Variants in NBEA observed in about 807,000 individuals in gnomAD.
The protein encoded by NBEA is neurobeachin.
A neutral mutation model predicts 343.4 loss-of-function variants in NBEA; 44 were observed. That is an observed-to-expected ratio of 0.13 (90% confidence interval 0.10 to 0.16). The LOEUF is 0.16. Ranked by LOEUF, NBEA falls within the 10% of genes least tolerant of loss-of-function variation. The pLI, the probability that NBEA is intolerant of heterozygous loss-of-function variation, is 1.00. For synonymous variants in NBEA, 1,175 were observed against 1,238.7 expected (o/e 0.95, Z 1.08); for missense variants, 2,555 against 3,631.3 (o/e 0.70, Z 7.62).
intron 48 of NBEA, among the ~76,000 whole-genome samples, chr13:35,624,886 A>T (rs1328007520): frequency 6.6e-6 from 1 of 152,156 alleles, no homozygotes; most frequent in African/African-American, 2.4e-5. Context: ...TATGTAGATT[A>T]TGATATTATC....
chr13:35,057,471 A>G (rs2063314060), intron 7 of NBEA, among the ~76,000 whole-genome samples: 1 of 152,162 alleles, frequency 6.6e-6, no homozygotes, highest in Non-Finnish European at 1.5e-5. Flanking sequence ...ACAAAATCAA[A>G]GAAGAATGGG....
chr13:35,297,041 G>A (rs552052448), intron 35 of NBEA, among the ~76,000 whole-genome samples: 14 of 151,770 alleles, frequency 9.2e-5, no homozygotes, highest in Non-Finnish European at 1.8e-4. Flanking sequence ...TATAACTGTA[G>A]TAGAGTATAA....
chr13:35,432,456 G>T, intron 39 of NBEA, 63 bp downstream of exon 39: 1 of 1,413,870 alleles, frequency 7.1e-7, no homozygotes, highest in South Asian at 1.6e-5. Context: ...TTGTGTTTGA[G>T]AATTCCTTCT....
At chr13:35,606,639 TG>T in intron 48 of NBEA, 61 bp downstream of exon 48, 1 of 1,381,572 alleles carries the variant, frequency 7.2e-7, no homozygotes, top group South Asian at 1.8e-5. Context: ...TCTGTAGTTT[TG>T]TTTTGTCCTG....
chr13:35,548,952 G>C (rs532047296), intron 41 of NBEA, among the ~76,000 whole-genome samples: 2 of 152,274 alleles, frequency 1.3e-5, no homozygotes, highest in African/African-American at 4.8e-5. Flanking sequence ...CCAGGGTCAT[G>C]TACTTTATGT....
In NBEA at chr13:35,644,923, A is replaced by G. The variant is rs147015364; in HGVS notation, c.7618-946A>G. Among the ~76,000 whole-genome samples, 702 of 152,356 alleles carry G rather than the reference A, an allele frequency of 4.6e-3. 4 individuals carry two copies. Among genetic ancestry groups the G allele is most frequent in the African/African-American group, 0.016 (676 of 41,588 alleles). ...TATACATAAAAATTGGACAGCACTT[A>G]AAGAGATTTAATAATTCATCCCATT... On this transcript the variant is annotated intron_variant, in intron 49 of 58. Coordinates refer to ENST00000379939, the MANE Select transcript of NBEA (RefSeq NM_001385012.1).
intron 33 of NBEA, among the ~76,000 whole-genome samples, chr13:35,217,468 T>C (rs2074127282): frequency 6.6e-6 from 1 of 152,144 alleles, no homozygotes; most frequent in South Asian, 2.1e-4. Flanking sequence ...AAATTTATAT[T>C]GTATTTTCTA....
intron 45 of NBEA, among the ~76,000 whole-genome samples, chr13:35,568,503 A>G (rs1235881981): frequency 6.6e-6 from 1 of 152,204 alleles, no homozygotes; most frequent in Non-Finnish European, 1.5e-5. Context: ...ATTGTAATTC[A>G]TGCAGCCTGC....
intron 54 of NBEA, 105 bp downstream of exon 54, chr13:35,655,115 A>C (rs17831481): frequency 0.06 from 52,088 of 873,968 alleles, 1,791 homozygotes; most frequent in South Asian, 0.098. Context: ...TCATTTGCCA[A>C]CTTGAGTAGT....
In NBEA at chr13:35,524,329, C is replaced by G. The variant is rs373582212; in HGVS notation, c.6586-26148C>G. ...GTTAAGTTCCAAAGGAAAAAGTCAGCAATGAACATTGTGATCTGAGTGAGG... is the reference window on the plus strand; with the variant it reads ...GTTAAGTTCCAAAGGAAAAAGTCAGGAATGAACATTGTGATCTGAGTGAGG... On this transcript the variant is annotated intron_variant, in intron 41 of 58. Transcript: ENST00000379939. Among the ~76,000 whole-genome samples the G allele has an allele frequency of 1.4e-4, 22 of 152,332 alleles. No individual in the cohort carries two copies. In the East Asian group the frequency reaches 4.0e-3, roughly 28 times the overall value.
At chr13:35,231,908 A>G (rs2074996552) in intron 33 of NBEA, among the ~76,000 whole-genome samples, 1 of 152,140 alleles carries the variant, frequency 6.6e-6, no homozygotes, top group African/African-American at 2.4e-5. Context: ...ATTTTTAAGA[A>G]TGTCAAGTAG....
At chr13:35,351,709 C>G (rs2255857) in intron 37 of NBEA, among the ~76,000 whole-genome samples, 1 of 151,778 alleles carries the variant, frequency 6.6e-6, no homozygotes, top group African/African-American at 2.4e-5. Context: ...TCCTAAATGA[C>G]CACATTTTCT....
At chr13:35,155,036 A>AGG (rs2069063195) in intron 18 of NBEA, among the ~76,000 whole-genome samples, 1 of 145,522 alleles carries the variant, frequency 6.9e-6, no homozygotes, top group African/African-American at 2.5e-5. Flanking sequence ...AGACTTAGGC[A>AGG]GGAGGATCAC....
rs577563730 is a variant in NBEA, at chr13:34,966,577, G to A, written c.294+23463G>A. The stretch of plus-strand genomic sequence containing the variant: ...AATCCAAATCCTGGTCTGTCTTTTC[G>A]TGGCTTTGTGACCTTCAACTATGTT... On this transcript the variant is annotated intron_variant, in intron 1 of 58. Transcript: ENST00000379939. Among the ~76,000 whole-genome samples, 8 of 149,050 alleles carry A rather than the reference G, an allele frequency of 5.4e-5. No individual in the cohort carries two copies. In the South Asian group the frequency reaches 1.5e-3, roughly 28 times the overall value.
intron 17 of NBEA, among the ~76,000 whole-genome samples, chr13:35,132,426 C>T (rs1470959368): frequency 1.3e-5 from 2 of 152,142 alleles, no homozygotes; most frequent in African/African-American, 4.8e-5. Flanking sequence ...TCCCAAAGTG[C>T]TGGGATTACA....
chr13:35,196,520 A>C (rs909758536), intron 31 of NBEA, among the ~76,000 whole-genome samples: 1 of 152,092 alleles, frequency 6.6e-6, no homozygotes, highest in Non-Finnish European at 1.5e-5. Context: ...TAGCACATTG[A>C]ATTGGAAGTA....
chr13:35,225,443 G>C (rs1191927790), intron 33 of NBEA, among the ~76,000 whole-genome samples: 1 of 152,096 alleles, frequency 6.6e-6, no homozygotes, highest in Non-Finnish European at 1.5e-5. Context: ...GAGGAGATAG[G>C]AAGAAGGATC....
chr13:35,030,938 C>T (rs2152548918), intron 1 of NBEA, among the ~76,000 whole-genome samples: 1 of 151,706 alleles, frequency 6.6e-6, no homozygotes, highest in East Asian at 1.9e-4. Context: ...ATTGTTAATT[C>T]CTTTCACAGC....
intron 38 of NBEA, 139 bp from the exon 39 acceptor site, chr13:35,432,130 A>C: frequency 6.2e-6 from 3 of 486,322 alleles, no homozygotes; most frequent in Non-Finnish European, 1.1e-5. Flanking sequence ...ACACAAATAC[A>C]AGTGTAAAAT....
Sources: allele counts gnomAD v4.1 joint callset (sites outside exome capture counted in the v4.1 genomes callset), GRCh38; gene constraint gnomAD v4.1.1; transcripts MANE v1.5; gene names NCBI Gene and HGNC (gene_info 2026-07-23, HGNC 2026-07-21).